CNIH3: variants seen among roughly 807,000 people sequenced by gnomAD.
CNIH3 encodes the protein cornichon family AMPA receptor auxiliary protein 3, also known as protein cornichon homolog 3.
A neutral mutation model predicts 24.1 loss-of-function variants in CNIH3; 14 were observed. The ratio of observed to expected loss-of-function variants is 0.58; its 90% CI spans 0.38 to 0.91. The LOEUF is 0.91. Among genes scored for constraint, CNIH3 ranks in the 40% least tolerant of loss-of-function variants. CNIH3 has a pLI of 0.00. For synonymous variants in CNIH3, 68 were observed against 73.8 expected (o/e 0.92, Z 0.40); for missense variants, 178 against 196.8 (o/e 0.90, Z 0.57).
chr1:224,453,188 A>G (rs1312588369), intron 1 of CNIH3, among the ~76,000 whole-genome samples: 1 of 151,840 alleles, frequency 6.6e-6, no homozygotes, highest in African/African-American at 2.4e-5. Context: ...TTTTTATTTT[A>G]GAGAGACAGT....
chr1:224,589,242 G>C (rs1681647499), downstream of CNIH3, among the ~76,000 whole-genome samples: 1 of 152,152 alleles, frequency 6.6e-6, no homozygotes, highest in South Asian at 2.1e-4. Flanking sequence ...TGCCACAAAA[G>C]ACTGTTGAAT....
At chr1:224,486,760 T>C (rs748451573) in intron 1 of CNIH3, among the ~76,000 whole-genome samples, 11 of 152,224 alleles carry the variant, frequency 7.2e-5, no homozygotes, top group Non-Finnish European at 1.6e-4. Flanking sequence ...ATCTGCAAAT[T>C]GAATAACACT....
At chr1:224,621,570 C>T (rs1013730938) in intron 1 of CNIH3, among the ~76,000 whole-genome samples, 6 of 152,084 alleles carry the variant, frequency 3.9e-5, no homozygotes, top group African/African-American at 9.7e-5. Context: ...GTGGGATGTC[C>T]GCAGCTCCAG....
At chr1:224,611,712 A>G (rs1430628076), upstream of CNIH3, 1 of 152,270 alleles carries the variant, frequency 6.6e-6, no homozygotes, top group Non-Finnish European at 1.5e-5. Flanking sequence ...TGTCTACAGT[A>G]GAGAAAACAA....
At chr1:224,559,279 T>C (rs553559982) in intron 3 of CNIH3, among the ~76,000 whole-genome samples, 2 of 152,298 alleles carry the variant, frequency 1.3e-5, no homozygotes, top group South Asian at 4.1e-4. Flanking sequence ...CTTCTTTTGT[T>C]TTAAAAAAAT....
chr1:224,734,515 C>T, intron 4 of CNIH3, 48 bp from the exon 5 acceptor site: 2 of 1,601,940 alleles, frequency 1.2e-6, no homozygotes, highest in South Asian at 2.2e-5. Context: ...CCAGGTTACG[C>T]CAGAAGTACC....
downstream of CNIH3, among the ~76,000 whole-genome samples, chr1:224,541,036 T>C (rs1394493145): frequency 2.6e-5 from 4 of 152,220 alleles, no homozygotes; most frequent in Non-Finnish European, 4.4e-5. Flanking sequence ...CTCATTTATA[T>C]TGATGCCATA....
chr1:224,513,807 A>G (rs1319104411), upstream of CNIH3: 1 of 152,238 alleles, frequency 6.6e-6, no homozygotes, highest in Non-Finnish European at 1.5e-5. Flanking sequence ...CTGCGCACTC[A>G]CACGACCATT....
At chr1:224,679,002 G>A (rs180835598) in intron 1 of CNIH3, among the ~76,000 whole-genome samples, 1 of 152,062 alleles carries the variant, frequency 6.6e-6, no homozygotes, top group Admixed American at 6.5e-5. Context: ...AAGCAGTATC[G>A]ATAAAAGAAT....
At chr1:224,718,677 G>GA (rs1688558650) in intron 3 of CNIH3, among the ~76,000 whole-genome samples, 1 of 152,088 alleles carries the variant, frequency 6.6e-6, no homozygotes, top group South Asian at 2.1e-4. Flanking sequence ...GGGATGAGAG[G>GA]AGGAGGAAGA....
At chr1:224,540,352 A>C (rs1335962075), downstream of CNIH3, among the ~76,000 whole-genome samples, 1 of 152,220 alleles carries the variant, frequency 6.6e-6, no homozygotes, top group Admixed American at 6.5e-5. Flanking sequence ...TCTCTTGAAA[A>C]TCAGCTCTGC....
At chr1:224,568,107 T>G (rs943561618) in intron 4 of CNIH3, among the ~76,000 whole-genome samples, 1 of 152,114 alleles carries the variant, frequency 6.6e-6, no homozygotes, top group African/African-American at 2.4e-5. Flanking sequence ...CTGGCCAACA[T>G]GGTAAAACCC....
chr1:224,626,439 A>C (rs932413995), intron 1 of CNIH3, among the ~76,000 whole-genome samples: 2 of 152,256 alleles, frequency 1.3e-5, no homozygotes, highest in African/African-American at 4.8e-5. Context: ...TTGGCATAGA[A>C]AGAGAAGCAA....
chr1:224,509,567 G>C (rs963365410), intron 1 of CNIH3, among the ~76,000 whole-genome samples: 1 of 152,066 alleles, frequency 6.6e-6, no homozygotes, highest in African/African-American at 2.4e-5. Flanking sequence ...CCTGTCCTCT[G>C]GACTCTTGTC....
intron 4 of CNIH3, among the ~76,000 whole-genome samples, chr1:224,581,530 T>A (rs909959160): frequency 6.6e-6 from 1 of 152,202 alleles, no homozygotes; most frequent in African/African-American, 2.4e-5. Context: ...CATGACAAAT[T>A]TCTCCTTGCT....
intron 1 of CNIH3, among the ~76,000 whole-genome samples, chr1:224,507,741 C>T (rs1572382491): frequency 6.6e-6 from 1 of 152,286 alleles, no homozygotes; most frequent in South Asian, 2.1e-4. Context: ...CATAGACTTA[C>T]CAGTGCGGGA....
chr1:224,517,427 C>G (rs1678438090), intron 1 of CNIH3, among the ~76,000 whole-genome samples: 1 of 152,146 alleles, frequency 6.6e-6, no homozygotes, highest in Non-Finnish European at 1.5e-5. Flanking sequence ...GATGCCTCGC[C>G]TTCCAGGATG....
At chr1:224,659,331 A>G (rs1685236428) in intron 1 of CNIH3, among the ~76,000 whole-genome samples, 2 of 152,224 alleles carry the variant, frequency 1.3e-5, no homozygotes, top group Admixed American at 6.5e-5. Flanking sequence ...AGTTACATGG[A>G]TGTAAAAACC....
In CNIH3 at chr1:224,604,935, T is replaced by A. The variant is rs1682358042; in HGVS notation, n.402+38671T>A. Among the ~76,000 whole-genome samples the A allele has an allele frequency of 6.6e-6, 1 of 152,096 alleles. No homozygotes were observed. Among genetic ancestry groups the A allele is most frequent in the African/African-American group, 2.4e-5 (1 of 41,380 alleles). Reference sequence around the variant, plus strand: ...CTTTCAGAGGAGAGGGGACATGGGGTTGGTCCTGCTACCTGAAAGCAGGAA... The same window carrying A: ...CTTTCAGAGGAGAGGGGACATGGGGATGGTCCTGCTACCTGAAAGCAGGAA... On this transcript the variant is annotated intron_variant and non_coding_transcript_variant, in intron 3 of 7. Transcript: ENST00000478120. The surrounding 1 kb of genome is among the most constrained non-coding windows in gnomAD (Gnocchi z 4.4).
Sources: allele counts gnomAD v4.1 joint callset (sites outside exome capture counted in the v4.1 genomes callset), GRCh38; gene constraint gnomAD v4.1.1; non-coding constraint Gnocchi (gnomAD v3.1); transcripts MANE v1.5; gene names NCBI Gene and HGNC (gene_info 2026-07-23, HGNC 2026-07-21).